The following POU2F2 variants were observed in gnomAD, a reference collection of about 807,000 sequenced individuals.
POU2F2 encodes the protein POU domain, class 2, transcription factor 2.
In POU2F2, 14 loss-of-function variants were observed where a neutral mutation model predicts 63.5. The observed-to-expected ratio is 0.22, with a 90% confidence interval of 0.15 to 0.34. The LOEUF (loss-of-function observed/expected upper bound fraction) is 0.34. POU2F2 is among the 10% of genes least tolerant of loss of function. The probability of loss-of-function intolerance (pLI) is 1.00; values close to 1 mark genes in which losing one functional copy is unlikely to be tolerated. For synonymous variants in POU2F2, 306 were observed against 348.6 expected (o/e 0.88, Z 1.36); for missense variants, 607 against 815.2 (o/e 0.74, Z 3.11).
chr19:42,177,144 T>C, upstream of POU2F2: 1 of 151,130 alleles, frequency 6.6e-6, no homozygotes, highest in Non-Finnish European at 1.5e-5. Flanking sequence ...CCGCGCCGCC[T>C]TGCCTTACCG....
chr19:42,195,980 A>T (rs1401391130), intron 1 of POU2F2, among the ~76,000 whole-genome samples: 1 of 152,016 alleles, frequency 6.6e-6, no homozygotes, highest in Non-Finnish European at 1.5e-5. Context: ...GGGTTTCACC[A>T]TGTTGGCCAG....
intron 1 of POU2F2, among the ~76,000 whole-genome samples, chr19:42,184,203 C>T (rs1452438398): frequency 6.6e-6 from 1 of 152,044 alleles, no homozygotes; most frequent in African/African-American, 2.4e-5. Flanking sequence ...TGTTGCACAG[C>T]CTGGTCTTGA....
rs186409735 is a variant in POU2F2 at position 42,192,505 on chromosome 19, T to C, written c.-70+3878A>G. ...GCTGGTAAATGCTTGTTGAATGACTTGGTGTTTGAGGGAAACAGAAAAGTC... is the reference window on the plus strand; with the variant it reads ...GCTGGTAAATGCTTGTTGAATGACTCGGTGTTTGAGGGAAACAGAAAAGTC... On this transcript the variant is annotated intron_variant, in intron 1 of 5. Transcript: ENST00000532176. 1.2e-3 allele frequency among the ~76,000 whole-genome samples: 188 copies of C among 152,318 alleles called. 2 individuals are homozygous for C. Among genetic ancestry groups the C allele is most frequent in the Non-Finnish European group, 1.2e-4 (8 of 68,024 alleles).
chr19:42,182,462 AG>A (rs1238800390), intron 1 of POU2F2, among the ~76,000 whole-genome samples: 1 of 152,038 alleles, frequency 6.6e-6, no homozygotes, highest in Non-Finnish European at 1.5e-5. Flanking sequence ...TGAGGGTATC[AG>A]GAAGAGTGAA....
intron 5 of POU2F2, among the ~76,000 whole-genome samples, chr19:42,107,221 G>A (rs997783003): frequency 6.6e-6 from 1 of 151,994 alleles, no homozygotes; most frequent in African/African-American, 2.4e-5. Flanking sequence ...CAGGTGTGGT[G>A]GCGGGCGCCT....
chr19:42,129,396 C>T (rs2033493760), intron 1 of POU2F2, among the ~76,000 whole-genome samples: 1 of 152,150 alleles, frequency 6.6e-6, no homozygotes, highest in Admixed American at 6.5e-5. Context: ...TGAGCTCACA[C>T]TCACTTGCCC....
chr19:42,149,869 C>T (rs1384263138), intron 2 of POU2F2, among the ~76,000 whole-genome samples: 1 of 152,160 alleles, frequency 6.6e-6, no homozygotes, highest in Non-Finnish European at 1.5e-5. Flanking sequence ...CTGAGACTGA[C>T]ACATGGGAAG....
chr19:42,102,143 G>A (rs1248353792), intron 5 of POU2F2, among the ~76,000 whole-genome samples: 2 of 152,182 alleles, frequency 1.3e-5, no homozygotes, highest in African/African-American at 2.4e-5. Context: ...GCCCAAGCGC[G>A]CACAACAGTA....
At chr19:42,132,674 A>C (rs1385394371), upstream of POU2F2, 4 of 400,232 alleles carry the variant, frequency 1.0e-5, no homozygotes, top group East Asian at 1.5e-4. Context: ...GCGATCCAAG[A>C]GGTGCCTGCA....
Position 42,122,117 on chromosome 19 carries a change from G to A in POU2F2, c.186+9C>T. On this transcript the variant is annotated intron_variant, in intron 4 of 14. Coordinates refer to ENST00000692977, the MANE Select transcript of POU2F2 (RefSeq NM_001394376.1). The stretch of plus-strand genomic sequence containing the variant: ...GCCCACTTCCCTGGCTGTTCTGACA[G>A]GTGCTTACCTTTGTACTGGGGCCAG... The A allele has an allele frequency of 4.3e-6, 7 of 1,610,672 alleles. No individual in the cohort carries two copies. The highest frequency in any genetic ancestry group is 5.1e-6 in the Non-Finnish European group (6 of 1,176,904).
intron 5 of POU2F2, among the ~76,000 whole-genome samples, chr19:42,110,299 A>C (rs2030867699): frequency 6.6e-6 from 1 of 152,134 alleles, no homozygotes; most frequent in African/African-American, 2.4e-5. Flanking sequence ...CTACATAAAT[A>C]AAATAAAACT....
chr19:42,117,381 G>A lies in POU2F2; in HGVS notation c.238C>T (p.Leu80Phe). Residue 80 changes from leucine (L) to phenylalanine (F), a missense_variant, in exon 5 of 15, where the codon CTC becomes TTC. Physicochemically the swap from Leu to Phe is conservative, Grantham distance 22. Coordinates refer to ENST00000692977, the MANE Select transcript of POU2F2 (RefSeq NM_001394376.1). This position sits in a 1 kb window ranked among gnomAD's most constrained non-coding sequence, Gnocchi z 4.4. ...TCAGCCTTGATCTGGGGGGGAGAGA[G>A]GCAGGGTCCGGGACCCCAGAATGTT... Reference protein sequence around the residue: ...HLTFWGPGPCLSPPQIKAEDP... With the variant: ...HLTFWGPGPCFSPPQIKAEDP... 6.6e-7 allele frequency: 1 copy of A among 1,506,224 alleles called. No homozygotes were observed. Among genetic ancestry groups the A allele is most frequent in the South Asian group, 1.3e-5 (1 of 77,916 alleles). 93.3% of individuals were successfully genotyped at this position (1,506,224 alleles called of 1,614,324 possible).
chr19:42,190,466 C>A (rs1354286845), intron 1 of POU2F2, among the ~76,000 whole-genome samples: 1 of 151,928 alleles, frequency 6.6e-6, no homozygotes, highest in Non-Finnish European at 1.5e-5. Context: ...TTGAGTGACA[C>A]CTATATGTGC....
Position 42,095,783 on chromosome 19 carries a change from C to T in POU2F2, c.871+5G>A, listed in dbSNP as rs371853058. ...CCCTACGCGGGAACCCCAGCCTGGT[C>T]CCACCTGCATCGTTGAGCCACTTCT... On this transcript the variant is annotated splice_donor_5th_base_variant and intron_variant, in intron 9 of 14. Coordinates refer to ENST00000692977, the MANE Select transcript of POU2F2 (RefSeq NM_001394376.1). The surrounding 1 kb of genome is among the most constrained non-coding windows in gnomAD (Gnocchi z 7.1). 2 of 1,613,822 alleles carry T rather than the reference C, an allele frequency of 1.2e-6. No individual in the cohort carries two copies. Among genetic ancestry groups the T allele is most frequent in the Non-Finnish European group, 1.7e-6 (2 of 1,179,918 alleles).
chr19:42,094,198 C>T (rs1428805751), intron 11 of POU2F2, among the ~76,000 whole-genome samples: 2 of 152,198 alleles, frequency 1.3e-5, no homozygotes, highest in Admixed American at 6.5e-5. Flanking sequence ...GGCTGCTCCA[C>T]ATGCTCCTGA....
chr19:42,165,964 G>T (rs2034641650), intron 1 of POU2F2, among the ~76,000 whole-genome samples: 1 of 152,200 alleles, frequency 6.6e-6, no homozygotes, highest in African/African-American at 2.4e-5. Context: ...CATTCATTCA[G>T]TAAGCATTTC....
At chr19:42,172,432 C>T (rs922098895) in intron 1 of POU2F2, among the ~76,000 whole-genome samples, 3 of 152,180 alleles carry the variant, frequency 2.0e-5, no homozygotes, top group Admixed American at 1.3e-4. Context: ...GTGATTCACA[C>T]CACTCAATAA....
chr19:42,109,478 T>C (rs1250086367), intron 5 of POU2F2, among the ~76,000 whole-genome samples: 1 of 152,014 alleles, frequency 6.6e-6, no homozygotes, highest in Non-Finnish European at 1.5e-5. Flanking sequence ...TCGTGATAGA[T>C]TGTGTTCAAA....
chr19:42,142,111 C>T (rs904613302), intron 2 of POU2F2, among the ~76,000 whole-genome samples: 2 of 152,114 alleles, frequency 1.3e-5, no homozygotes, highest in Non-Finnish European at 2.9e-5. Context: ...TTTCTATGGG[C>T]GTACAAGTAT....
Sources: allele counts gnomAD v4.1 joint callset (sites outside exome capture counted in the v4.1 genomes callset), GRCh38; gene constraint gnomAD v4.1.1; non-coding constraint Gnocchi (gnomAD v3.1); transcripts MANE v1.5; gene names NCBI Gene and HGNC (gene_info 2026-07-23, HGNC 2026-07-21).